Variants in IRF1 observed in about 807,000 individuals in gnomAD.
IRF1 encodes interferon regulatory factor-1.
Under a neutral mutation model 43.7 loss-of-function variants are expected in IRF1, and 13 were observed. The ratio of observed to expected loss-of-function variants is 0.30; its 90% CI spans 0.19 to 0.47. The LOEUF (loss-of-function observed/expected upper bound fraction) is 0.47, where lower values mean the gene tolerates loss of function less well. Among genes scored for constraint, IRF1 ranks in the 20% least tolerant of loss-of-function variants. The probability of loss-of-function intolerance (pLI) is 0.99; values close to 1 mark genes in which losing one functional copy is unlikely to be tolerated. For missense variants in IRF1, 236 were observed against 408.9 expected (o/e 0.58, Z 3.65); for synonymous variants, 138 against 146.8 (o/e 0.94, Z 0.43).
chr5:132,485,903 G>C, intron 7 of IRF1, 187 bp from the exon 8 acceptor site: 2 of 615,204 alleles, frequency 3.3e-6, no homozygotes, highest in Non-Finnish European at 5.8e-6. Flanking sequence ...CCCTGGCCTG[G>C]TGACTCAGCC....
intron 1 of IRF1, 121 bp from the exon 2 acceptor site, chr5:132,489,604 C>A: frequency 1.4e-6 from 1 of 719,384 alleles, no homozygotes; most frequent in South Asian, 1.5e-5. Context: ...CTAGGTACTA[C>A]ACTCAGTGCG....
Position 132,481,890 on chromosome 5 carries a change from T to A in IRF1, c.*2061A>T, listed in dbSNP as rs560560794. On this transcript the variant is annotated 3_prime_UTR_variant, in exon 10 of 10. Transcript: ENST00000245414. ...CTGTGTGTTAGCAGGACACATCACC[T>A]ATGGCACATGCCTCAAAACTTAACA... 1.4e-4 allele frequency: 22 copies of A among 152,502 alleles called. No homozygotes were observed. The highest frequency in any genetic ancestry group is 5.3e-4 in the African/African-American group (22 of 41,574). 9.4% of individuals were successfully genotyped at this position (152,502 alleles called of 1,614,324 possible). A position where few individuals can be genotyped will look rare whatever the true frequency, so the allele number is the denominator to read the frequency against.
intron 9 of IRF1, 80 bp from the exon 10 acceptor site, chr5:132,484,155 G>A: frequency 6.5e-7 from 1 of 1,540,720 alleles, no homozygotes. Flanking sequence ...GAAGGCCATA[G>A]ACATGGCCTC....
chr5:132,487,729 C>CTT (rs1754574093), intron 3 of IRF1, 197 bp downstream of exon 3: 1 of 582,882 alleles, frequency 1.7e-6, no homozygotes, highest in Admixed American at 3.0e-5. Context: ...AAGATCTTGG[C>CTT]TTTTCCCTTT....
At position 132,490,317 on chromosome 5, in the gene IRF1, C is replaced by A. The variant is rs1283782050; in HGVS notation, c.-6+228G>T. On this transcript the variant is annotated intron_variant, in intron 1 of 9. Coordinates refer to ENST00000245414, the MANE Select transcript of IRF1 (RefSeq NM_002198.3). This position sits in a 1 kb window ranked among gnomAD's most constrained non-coding sequence, Gnocchi z 5.8. The stretch of plus-strand genomic sequence containing the variant: ...ACGCAGATCTGCGAAAGCTGCCGGG[C>A]GCCGGCAGCCTCGTCCGGGTGGGCG... 1.3e-5 allele frequency: 2 copies of A among 151,032 alleles called. No homozygotes were observed. 9.4% of individuals were successfully genotyped at this position (151,032 alleles called of 1,614,324 possible). A position where few individuals can be genotyped will look rare whatever the true frequency, so the allele number is the denominator to read the frequency against.
Position 132,487,934 on chromosome 5 carries a change from A to C in IRF1, c.179T>G (p.Ile60Ser). Reference sequence around the variant, plus strand: ...GAGTCCCAGGCACACACCTGTGTGAATGGCCCAGCTCCGGAACAAACAGGC... The same window carrying C: ...GAGTCCCAGGCACACACCTGTGTGACTGGCCCAGCTCCGGAACAAACAGGC... ...KDACLFRSWA[I>S]HTGRYKAGEK... Residue 60 changes from isoleucine (I) to serine (S), a missense_variant, in exon 3 of 10, where the codon ATT (isoleucine) becomes AGT (serine). Physicochemically the swap from Ile to Ser is moderately radical, Grantham distance 142. This residue lies in a region of IRF1 where 66 missense variants were observed against 157.1 expected (regional missense o/e 0.42). Transcript: ENST00000245414. The C allele has an allele frequency of 6.2e-7, 1 of 1,612,902 alleles. No individual in the cohort carries two copies. Among genetic ancestry groups the C allele is most frequent in the African/African-American group, 1.3e-5 (1 of 75,022 alleles).
rs17848414 is a variant in IRF1, at chr5:132,486,063, G to A, written c.667+188C>T. ...TCCTCTCACCAGCCCCCACTGTACT[G>A]CAGCCCACTCTGAACTGCCTTCCTA... On this transcript the variant is annotated intron_variant, in intron 7 of 9. Coordinates refer to ENST00000245414, the MANE Select transcript of IRF1 (RefSeq NM_002198.3). 212 of 754,526 alleles carry A rather than the reference G, an allele frequency of 2.8e-4. 1 individual carries two copies. The African/African-American group carries it at 3.2e-3, about 12-fold the overall frequency. 46.7% of individuals were successfully genotyped at this position (754,526 alleles called of 1,614,324 possible).
In IRF1 at chr5:132,486,958, T is replaced by C. The variant is rs747090820; in HGVS notation, c.360A>G (p.Arg120=). 6.2e-7 allele frequency: 1 copy of C among 1,614,092 alleles called. No individual in the cohort carries two copies. Among genetic ancestry groups the C allele is most frequent in the Non-Finnish European group, 8.5e-7 (1 of 1,179,978 alleles). Residue 120 remains arginine (R), a synonymous_variant, in exon 4 of 10, where the codon AGA becomes AGG. Coordinates refer to ENST00000245414, the MANE Select transcript of IRF1 (RefSeq NM_002198.3). ...GGACCCAGAGTCCTTGGATACCTTT[T>C]CTCTGGTTCTTGGTGAGAGGTGGAA... ...RMLPPLTKNQ[R]KERKSKSSRD...
rs886526943 is a variant in IRF1 at position 132,484,528 on chromosome 5, T to A, written c.718-31A>T. The A allele has an allele frequency of 4.3e-6, 7 of 1,612,944 alleles. No individual in the cohort carries two copies. The African/African-American group carries it at 9.4e-5, about 22-fold the overall frequency. On this transcript the variant is annotated intron_variant, in intron 8 of 9. Coordinates refer to ENST00000245414, the MANE Select transcript of IRF1 (RefSeq NM_002198.3). ...GACAGAAGAGCAAGAGGCTATCAAC[T>A]CCCTTCCAGTGCAGACTCACCCTGT...
At chr5:132,485,369 T>G in intron 8 of IRF1, 1 of 387,952 alleles carries the variant, frequency 2.6e-6, no homozygotes. Context: ...CTGGGGCATG[T>G]TGGGGCAGAG....
chr5:132,487,633 C>A (rs957035226), intron 3 of IRF1: 13 of 463,066 alleles, frequency 2.8e-5, no homozygotes, highest in Non-Finnish European at 5.1e-5. Context: ...TCTTTCAGTG[C>A]CCTGGCTTAC....
intron 3 of IRF1, chr5:132,487,369 G>T: frequency 1.8e-6 from 1 of 543,888 alleles, no homozygotes; most frequent in Non-Finnish European, 3.3e-6. Flanking sequence ...CCAGCCAGAA[G>T]CACTAGAGTC....
Position 132,489,486 on chromosome 5 carries a change from G to A in IRF1, c.-5-3C>T. The A allele has an allele frequency of 6.2e-7, 1 of 1,612,166 alleles. No individual in the cohort carries two copies. Among genetic ancestry groups the A allele is most frequent in the Non-Finnish European group, 8.5e-7 (1 of 1,178,302 alleles). ...CATCCGAGTGATGGGCATGTTGGCTGTAAAGAGAACACAGAGGCTCCAGTC... is the reference window on the plus strand; with the variant it reads ...CATCCGAGTGATGGGCATGTTGGCTATAAAGAGAACACAGAGGCTCCAGTC... On this transcript the variant is annotated splice_region_variant and splice_polypyrimidine_tract_variant and intron_variant, in intron 1 of 9. Coordinates refer to ENST00000245414, the MANE Select transcript of IRF1 (RefSeq NM_002198.3).
chr5:132,487,188 C>T, intron 3 of IRF1, 58 bp from the exon 4 acceptor site: 1 of 1,565,942 alleles, frequency 6.4e-7, no homozygotes, highest in African/African-American at 1.4e-5. Flanking sequence ...TCCTCAGCTG[C>T]CCCTGGCCTG....
At chr5:132,489,549 CCACCCG>C in intron 1 of IRF1, 66 bp from the exon 2 acceptor site, 5 of 1,294,654 alleles carry the variant, frequency 3.9e-6, no homozygotes, top group Non-Finnish European at 5.6e-6. Flanking sequence ...GTGACCTGCC[CCACCCG>C]AGGTCACTTA....
intron 2 of IRF1, chr5:132,488,416 C>A (rs1056347404): frequency 1.0e-5 from 2 of 193,104 alleles, no homozygotes; most frequent in African/African-American, 4.7e-5. Flanking sequence ...CTCAGGACAC[C>A]TGGGAGCATG....
At position 132,485,768 on chromosome 5, in the gene IRF1, T is replaced by C. The variant is rs750734988; in HGVS notation, c.668-52A>G. On this transcript the variant is annotated intron_variant, in intron 7 of 9. Transcript: ENST00000245414. ...GGCTGGCAGTCAGCCACACTCACCCTGCAGTTCCAGTTCCAGCCCACCAGA... is the reference window on the plus strand; with the variant it reads ...GGCTGGCAGTCAGCCACACTCACCCCGCAGTTCCAGTTCCAGCCCACCAGA... The C allele has an allele frequency of 3.4e-6, 5 of 1,460,306 alleles. No individual in the cohort carries two copies. In the South Asian group the frequency reaches 5.7e-5, roughly 17 times the overall value. The allele number at this position is 1,460,306 out of a possible 1,614,324, so 90.5% of individuals were successfully genotyped here.
At chr5:132,485,952 CTA>C in intron 7 of IRF1, 1 of 257,782 alleles carries the variant, frequency 3.9e-6, no homozygotes, top group Non-Finnish European at 6.5e-6. Context: ...CACCCCTACC[CTA>C]CTTCCTTCCT....
intron 8 of IRF1, 194 bp downstream of exon 8, chr5:132,485,473 G>C: frequency 1.6e-6 from 1 of 639,288 alleles, no homozygotes; most frequent in Admixed American, 2.3e-5. Context: ...CAGAGGCCAG[G>C]CCTCCCACCT....
Sources: allele counts gnomAD v4.1 joint callset, GRCh38; gene constraint gnomAD v4.1.1; regional missense constraint gnomAD v4.1.1; non-coding constraint Gnocchi (gnomAD v3.1); transcripts MANE v1.5; gene names NCBI Gene and HGNC (gene_info 2026-07-23, HGNC 2026-07-21).